KCNIP3: variants seen among roughly 807,000 people sequenced by gnomAD.
KCNIP3 encodes potassium voltage-gated channel interacting protein 3.
KCNIP3 carries 28 observed loss-of-function variants against 35.0 expected under a neutral mutation model. That is an observed-to-expected ratio of 0.80 (90% CI 0.59 to 1.10). KCNIP3 has a LOEUF of 1.10. Among genes scored for constraint, KCNIP3 ranks in the 50% least tolerant of loss-of-function variants. The pLI is 0.00. For missense variants in KCNIP3, 295 were observed against 338.4 expected (o/e 0.87, Z 1.01); for synonymous variants, 134 against 133.8 (o/e 1.00, Z -0.01).
chr2:95,352,506 C>G (rs1189189443), intron 2 of KCNIP3, among the ~76,000 whole-genome samples: 2 of 152,148 alleles, frequency 1.3e-5, no homozygotes, highest in African/African-American at 4.8e-5. Context: ...AGACCCAGCA[C>G]TGGACTTAGC....
chr2:95,323,786 G>A (rs761567818), intron 2 of KCNIP3, among the ~76,000 whole-genome samples: 36 of 151,720 alleles, frequency 2.4e-4, no homozygotes, highest in Non-Finnish European at 5.2e-4. Context: ...CCCCTGCCCT[G>A]GTCCCTAGGG....
Position 95,363,407 on chromosome 2 carries a change from A to T in KCNIP3, c.182-10889A>T, listed in dbSNP as rs966304442. 1.2e-4 allele frequency among the ~76,000 whole-genome samples: 19 copies of T among 152,144 alleles called. 1 individual carries two copies. The highest frequency in any genetic ancestry group is 1.2e-3 in the Admixed American group (18 of 15,294). On this transcript the variant is annotated intron_variant, in intron 2 of 8. Transcript: ENST00000295225. Reference sequence around the variant, plus strand: ...CATAGCTTTCATGAAATTCCCTCCTACACGTCACTCTCTTTTTTGAGCTCT... The same window carrying T: ...CATAGCTTTCATGAAATTCCCTCCTTCACGTCACTCTCTTTTTTGAGCTCT...
chr2:95,325,991 TCACA>T (rs994290986), intron 2 of KCNIP3, among the ~76,000 whole-genome samples: 24 of 126,768 alleles, frequency 1.9e-4, no homozygotes, highest in African/African-American at 5.8e-4. Context: ...TCCTACACAC[TCACA>T]CACACTCAGA....
chr2:95,307,591 C>T (rs1350533663), intron 1 of KCNIP3, among the ~76,000 whole-genome samples: 1 of 152,232 alleles, frequency 6.6e-6, no homozygotes, highest in Non-Finnish European at 1.5e-5. Context: ...TGGGCTCACC[C>T]AGCCTTCCCG....
At chr2:95,325,488 G>A (rs1409011295) in intron 2 of KCNIP3, among the ~76,000 whole-genome samples, 1 of 152,116 alleles carries the variant, frequency 6.6e-6, no homozygotes, top group Non-Finnish European at 1.5e-5. Flanking sequence ...AGGAGGTTCA[G>A]GGGGCCAAGG....
chr2:95,343,212 C>A (rs1254185572), intron 2 of KCNIP3, among the ~76,000 whole-genome samples: 2 of 151,934 alleles, frequency 1.3e-5, no homozygotes, highest in Non-Finnish European at 2.9e-5. Flanking sequence ...AAGGTAAGAG[C>A]CAGGGTTTTG....
chr2:95,378,865 T>TAC lies in KCNIP3; in HGVS notation c.448-2719_448-2718dup, dbSNP rs759775327. Among the ~76,000 whole-genome samples, 27 of 148,700 alleles carry TAC rather than the reference T, an allele frequency of 1.8e-4. No homozygotes were observed. Among genetic ancestry groups the TAC allele is most frequent in the Middle Eastern group, 3.5e-3 (1 of 286 alleles). Reference sequence around the variant, plus strand: ...ATATACACATATATATACACATATATACACACACACACATATATATACACA... The same window carrying TAC: ...ATATACACATATATATACACATATATACACACACACACACATATATATACACA... On this transcript the variant is annotated intron_variant, in intron 5 of 8. Transcript: ENST00000295225. The surrounding 1 kb of genome is among the most constrained non-coding windows in gnomAD (Gnocchi z 4.0).
intron 2 of KCNIP3, among the ~76,000 whole-genome samples, chr2:95,340,868 C>T (rs2104257151): frequency 6.6e-6 from 1 of 152,322 alleles, no homozygotes; most frequent in Admixed American, 6.5e-5. Context: ...CCCCTGGAAG[C>T]CACCCTCTGG....
intron 2 of KCNIP3, among the ~76,000 whole-genome samples, chr2:95,358,531 TCAACGGTG>T (rs1679714024): frequency 6.6e-6 from 1 of 152,214 alleles, no homozygotes; most frequent in African/African-American, 2.4e-5. Flanking sequence ...CCCCTGGCTA[TCAACGGTG>T]TATTAGCCTG....
At chr2:95,379,832 C>G (rs1680292353) in intron 5 of KCNIP3, among the ~76,000 whole-genome samples, 1 of 152,164 alleles carries the variant, frequency 6.6e-6, no homozygotes, top group South Asian at 2.1e-4. Context: ...CTTTGCTTTC[C>G]TCTCTGAAAG....
intron 1 of KCNIP3, among the ~76,000 whole-genome samples, chr2:95,304,783 ACCCACGCCAT>A (rs1184099137): frequency 3.9e-5 from 6 of 152,112 alleles, no homozygotes; most frequent in Admixed American, 2.0e-4. Flanking sequence ...CAGGGGCATC[ACCCACGCCAT>A]CTTTTTCCAT....
chr2:95,316,275 G>A (rs535636907), intron 2 of KCNIP3, among the ~76,000 whole-genome samples: 22 of 152,352 alleles, frequency 1.4e-4, no homozygotes, highest in Admixed American at 4.6e-4. Flanking sequence ...CCTCTGAGCC[G>A]CACATTTAAC....
intron 2 of KCNIP3, among the ~76,000 whole-genome samples, chr2:95,356,197 GT>G (rs1176883750): frequency 6.6e-6 from 1 of 150,850 alleles, no homozygotes; most frequent in Middle Eastern, 3.4e-3. Context: ...GGGGTTGTTT[GT>G]TTTTTTTTCT....
intron 2 of KCNIP3, among the ~76,000 whole-genome samples, chr2:95,319,142 C>G (rs995357224): frequency 1.3e-5 from 2 of 152,226 alleles, no homozygotes; most frequent in African/African-American, 4.8e-5. Context: ...CATACACTCA[C>G]GCATCCCCAA....
rs1311127558 is a variant in KCNIP3, at chr2:95,382,819, G to A, written c.660+338G>A. Among the ~76,000 whole-genome samples, 1 of 152,204 alleles carries A rather than the reference G, an allele frequency of 6.6e-6. No individual in the cohort carries two copies. The highest frequency in any genetic ancestry group is 1.5e-5 in the Non-Finnish European group (1 of 68,036). ...GGGGGCCTTCACCTGTATGCATGGCGGCTGCAGGGGCTGCAGGCTTTGCCT... is the reference window on the plus strand; with the variant it reads ...GGGGGCCTTCACCTGTATGCATGGCAGCTGCAGGGGCTGCAGGCTTTGCCT... On this transcript the variant is annotated intron_variant, in intron 7 of 8. Transcript: ENST00000295225. The surrounding 1 kb of genome is among the most constrained non-coding windows in gnomAD (Gnocchi z 4.5).
intron 1 of KCNIP3, among the ~76,000 whole-genome samples, chr2:95,306,653 G>A (rs1053427436): frequency 2.0e-5 from 3 of 152,190 alleles, no homozygotes; most frequent in African/African-American, 7.2e-5. Context: ...CGGTGGTGTG[G>A]GAGCAGACTT....
intron 2 of KCNIP3, among the ~76,000 whole-genome samples, chr2:95,371,225 A>G (rs992471302): frequency 6.6e-6 from 1 of 152,260 alleles, no homozygotes; most frequent in Non-Finnish European, 1.5e-5. Context: ...ATTGAAAGCA[A>G]TAAATTTCCC....
At chr2:95,303,247 T>C (rs1678082761) in intron 1 of KCNIP3, 1 of 152,360 alleles carries the variant, frequency 6.6e-6, no homozygotes, top group South Asian at 2.1e-4. Flanking sequence ...GGGACGCTGC[T>C]CCGTGGGCCA....
In KCNIP3 at chr2:95,325,627, T is replaced by TCA. The variant is rs367656900; in HGVS notation, c.181+15119_181+15120dup. 9.1e-3 allele frequency among the ~76,000 whole-genome samples: 1,319 copies of TCA among 145,170 alleles called. 13 individuals are homozygous for TCA. Among genetic ancestry groups the TCA allele is most frequent in the African/African-American group, 0.027 (1,043 of 39,088 alleles). Reference sequence around the variant, plus strand: ...CTCATACACACGTACACACACACACTCACACACACACACGCATACACACAA... The same window carrying TCA: ...CTCATACACACGTACACACACACACTCACACACACACACACGCATACACACAA... On this transcript the variant is annotated intron_variant, in intron 2 of 8. Transcript: ENST00000295225.
Sources: gnomAD v4.1 joint callset for allele counts (sites outside exome capture counted in the v4.1 genomes callset) on GRCh38, gnomAD v4.1.1 for gene constraint, Gnocchi (gnomAD v3.1) non-coding constraint, MANE v1.5 for transcripts, NCBI Gene and HGNC (gene_info 2026-07-23, HGNC 2026-07-21) for gene names.